GRM5: variants seen among roughly 807,000 people sequenced by gnomAD.
GRM5 encodes metabotropic glutamate receptor 5.
In GRM5, 19 loss-of-function variants were observed where a neutral mutation model predicts 83.1. The ratio of observed to expected loss-of-function variants is 0.23; its 90% CI spans 0.16 to 0.34. GRM5 has a LOEUF of 0.34. Among genes scored for constraint, GRM5 ranks in the 10% least tolerant of loss-of-function variants. The pLI is 1.00. For missense variants in GRM5, 1,160 were observed against 1,588.3 expected (o/e 0.73, Z 4.58); for synonymous variants, 675 against 633.6 (o/e 1.07, Z -0.98).
Position 88,567,939 on chromosome 11 carries a change from C to A in GRM5, c.1744G>T (p.Ala582Ser), listed in dbSNP as rs753419964. ...YLRWGDPEPI[A>S]AVVFACLGLL... ...CCAAGGCAGGCAAACACCACAGCTG[C>A]AATGGGTTCAGGGTCACCCCATCGA... The change falls in exon 8 of 10, where the codon GCA becomes TCA. Residue 582 changes from alanine (A) to serine (S), a missense_variant. By Grantham distance (99) the Ala-to-Ser change is moderately conservative. Transcript: ENST00000305447. This position sits in a 1 kb window ranked among gnomAD's most constrained non-coding sequence, Gnocchi z 7.3. 1 of 1,613,994 alleles carries A rather than the reference C, an allele frequency of 6.2e-7. No individual in the cohort carries two copies. The highest frequency in any genetic ancestry group is 1.7e-5 in the Admixed American group (1 of 60,026).
intron 2 of GRM5, among the ~76,000 whole-genome samples, chr11:89,043,814 CAT>C (rs1941584611): frequency 6.6e-6 from 1 of 152,110 alleles, no homozygotes; most frequent in African/African-American, 2.4e-5. Flanking sequence ...CACGCTCTCA[CAT>C]GTTTGAGGTC....
chr11:88,674,981 C>T (rs1221784440), intron 3 of GRM5, among the ~76,000 whole-genome samples: 1 of 151,820 alleles, frequency 6.6e-6, no homozygotes, highest in Non-Finnish European at 1.5e-5. Context: ...TTCTGTATGC[C>T]ACATTACTGT....
Position 88,912,886 on chromosome 11 carries a change from G to A in GRM5, c.662-62731C>T, listed in dbSNP as rs1260886874. Among the ~76,000 whole-genome samples the A allele has an allele frequency of 2.0e-5, 3 of 152,222 alleles. No homozygotes were observed. In the East Asian group the frequency reaches 5.8e-4, roughly 29 times the overall value. On this transcript the variant is annotated intron_variant, in intron 2 of 9. Transcript: ENST00000305447. Reference sequence around the variant, plus strand: ...TTGTCCTCATGCCAGTCCCTTAAATGCCTGATGGAGGCTGACATGTTCCCA... The same window carrying A: ...TTGTCCTCATGCCAGTCCCTTAAATACCTGATGGAGGCTGACATGTTCCCA...
rs1817943894 is a variant in GRM5, at chr11:89,004,066, G to A, written c.661+43146C>T. On this transcript the variant is annotated intron_variant, in intron 2 of 9. Transcript: ENST00000305447. ...AATAGTGAGTTGTAGATCCTTTTGA[G>A]ATCAAAGAATTATTGGAGTTCAGGG... Among the ~76,000 whole-genome samples, 4 of 152,154 alleles carry A rather than the reference G, an allele frequency of 2.6e-5. No individual in the cohort carries two copies. The South Asian group carries it at 8.3e-4, about 32-fold the overall frequency.
intron 3 of GRM5, among the ~76,000 whole-genome samples, chr11:88,759,252 T>C (rs1431428134): frequency 2.0e-5 from 3 of 152,140 alleles, no homozygotes; most frequent in African/African-American, 7.2e-5. Context: ...GTAAATGGGC[T>C]AAATCTCCCA....
intron 3 of GRM5, among the ~76,000 whole-genome samples, chr11:88,686,789 G>A (rs1003730850): frequency 3.9e-5 from 6 of 151,904 alleles, no homozygotes; most frequent in Non-Finnish European, 5.9e-5. Flanking sequence ...ACCTCCTGCC[G>A]TGATTCTGAG....
intron 4 of GRM5, among the ~76,000 whole-genome samples, chr11:88,645,351 T>A (rs1422099631): frequency 6.6e-6 from 1 of 152,032 alleles, no homozygotes; most frequent in African/African-American, 2.4e-5. Flanking sequence ...TTAGAAACCA[T>A]GAGAGTGTGA....
chr11:88,660,396 G>T (rs1462571606), intron 3 of GRM5, among the ~76,000 whole-genome samples: 1 of 152,142 alleles, frequency 6.6e-6, no homozygotes, highest in African/African-American at 2.4e-5. Context: ...TATATACAAT[G>T]GGCATGGATT....
intron 4 of GRM5, among the ~76,000 whole-genome samples, chr11:88,607,406 A>T (rs1486515497): frequency 6.6e-6 from 1 of 152,034 alleles, no homozygotes; most frequent in Non-Finnish European, 1.5e-5. Flanking sequence ...CTTCTACCAG[A>T]CTCAGTATAT....
At chr11:88,692,001 C>G (rs1227775276) in intron 3 of GRM5, among the ~76,000 whole-genome samples, 1 of 152,170 alleles carries the variant, frequency 6.6e-6, no homozygotes, top group African/African-American at 2.4e-5. Context: ...GCTCAGTTCT[C>G]CTAATCTGCT....
At chr11:88,510,292 T>C (rs1306630635) in intron 9 of GRM5, among the ~76,000 whole-genome samples, 1 of 152,238 alleles carries the variant, frequency 6.6e-6, no homozygotes, top group Non-Finnish European at 1.5e-5. Flanking sequence ...CTGGTGAATA[T>C]TGAGGGACTG....
intron 3 of GRM5, among the ~76,000 whole-genome samples, chr11:88,761,784 C>T (rs1591495781): frequency 6.6e-6 from 1 of 152,040 alleles, no homozygotes. Flanking sequence ...AGAGACATCA[C>T]ACTACCTGAC....
chr11:88,762,345 G>A (rs1942539082), intron 3 of GRM5, among the ~76,000 whole-genome samples: 2 of 151,730 alleles, frequency 1.3e-5, no homozygotes, highest in African/African-American at 4.8e-5. Flanking sequence ...CAAGTAAAAA[G>A]CAAACAACCC....
rs1941658608 is a variant in GRM5, at chr11:89,047,134, G to C, written c.661+78C>G. ...AAAATATCCAAAATAATTAGGAATA[G>C]TTTACTCTTCCCAAACCTGAAATTG... On this transcript the variant is annotated intron_variant, in intron 2 of 9. Coordinates refer to ENST00000305447, the MANE Select transcript of GRM5 (RefSeq NM_001143831.3). This position sits in a 1 kb window ranked among gnomAD's most constrained non-coding sequence, Gnocchi z 5.1. 4 of 1,127,840 alleles carry C rather than the reference G, an allele frequency of 3.5e-6. No homozygotes were observed. Among genetic ancestry groups the C allele is most frequent in the Middle Eastern group, 2.0e-4 (1 of 4,890 alleles). 69.9% of individuals were successfully genotyped at this position (1,127,840 alleles called of 1,614,324 possible).
chr11:88,924,422 T>C (rs1313682270), intron 2 of GRM5, among the ~76,000 whole-genome samples: 1 of 152,118 alleles, frequency 6.6e-6, no homozygotes, highest in African/African-American at 2.4e-5. Flanking sequence ...CATCAGTGGA[T>C]AAATAAATTG....
rs996568543 is a variant in GRM5, at chr11:88,945,135, C to A, written c.662-94980G>T. The stretch of plus-strand genomic sequence containing the variant: ...CAATAGACACACACACACATACACA[C>A]ACACACACACACATACACACAAAAT... On this transcript the variant is annotated intron_variant, in intron 2 of 9. Transcript: ENST00000305447. Among the ~76,000 whole-genome samples, 5 of 151,840 alleles carry A rather than the reference C, an allele frequency of 3.3e-5. 1 individual carries two copies. The South Asian group carries it at 6.2e-4, about 19-fold the overall frequency.
At position 88,567,771 on chromosome 11, in the gene GRM5, T is replaced by C. The variant is rs574842024; in HGVS notation, c.1912A>G (p.Lys638Glu). The change falls in exon 8 of 10, where the codon AAG becomes GAG. Residue 638 changes from lysine to glutamate, a missense_variant. Lys to Glu is a moderately conservative substitution (Grantham distance 56). Transcript: ENST00000305447. The surrounding 1 kb of genome is among the most constrained non-coding windows in gnomAD (Gnocchi z 7.3). The part of the protein sequence containing the change: ...GYLCTFCLIA[K>E]PKQIYCYLQR... ...AGGTAGCAGTAAATCTGTTTGGGCT[T>C]CGCAATGAGGCAGAAGGTACATAAG... 8.7e-6 allele frequency: 14 copies of C among 1,614,012 alleles called. No individual in the cohort carries two copies. The African/African-American group carries it at 1.6e-4, about 18-fold the overall frequency.
intron 2 of GRM5, among the ~76,000 whole-genome samples, chr11:88,997,318 A>T (rs563469059): frequency 9.2e-5 from 13 of 141,478 alleles, no homozygotes; most frequent in Non-Finnish European, 7.5e-5. Context: ...CAAGAGTGAA[A>T]CTCTGTCTCA....
At chr11:88,552,288 A>G (rs1386703330) in intron 8 of GRM5, among the ~76,000 whole-genome samples, 2 of 152,092 alleles carry the variant, frequency 1.3e-5, no homozygotes, top group Non-Finnish European at 2.9e-5. Context: ...TGGCCTCCCA[A>G]CATTCTAGGA....
Sources: allele counts gnomAD v4.1 joint callset (sites outside exome capture counted in the v4.1 genomes callset), GRCh38; gene constraint gnomAD v4.1.1; non-coding constraint Gnocchi (gnomAD v3.1); transcripts MANE v1.5; gene names NCBI Gene and HGNC (gene_info 2026-07-23, HGNC 2026-07-21).